GALNT18: variants seen among roughly 807,000 people sequenced by gnomAD.
GALNT18 encodes the protein GalNAc-transferase 18.
In GALNT18, 44 loss-of-function variants were observed where a neutral mutation model predicts 69.5. The ratio of observed to expected loss-of-function variants is 0.63; its 90% CI spans 0.50 to 0.81. The LOEUF is 0.81. Ranked by LOEUF, GALNT18 falls within the 40% of genes least tolerant of loss-of-function variation. The pLI, the probability that GALNT18 is intolerant of heterozygous loss-of-function variation, is 0.00. For missense variants in GALNT18, 715 were observed against 810.0 expected, an observed-to-expected ratio of 0.88 and a Z score of 1.42; for synonymous variants, 364 against 318.2, an observed-to-expected ratio of 1.14 and a Z score of -1.53.
intron 3 of GALNT18, among the ~76,000 whole-genome samples, chr11:11,416,812 G>A (rs1192276275): frequency 6.6e-6 from 1 of 152,178 alleles, no homozygotes; most frequent in Non-Finnish European, 1.5e-5. Context: ...GGAAGCTAGG[G>A]CAGCGTGGCG....
At chr11:11,457,973 G>T (rs1019124630) in intron 1 of GALNT18, among the ~76,000 whole-genome samples, 6 of 152,224 alleles carry the variant, frequency 3.9e-5, no homozygotes, top group Admixed American at 1.3e-4. Flanking sequence ...ACTAGGTCAG[G>T]CAGGTTGGGG....
chr11:11,589,795 A>G (rs911463351), intron 1 of GALNT18, among the ~76,000 whole-genome samples: 1 of 151,758 alleles, frequency 6.6e-6, no homozygotes, highest in Non-Finnish European at 1.5e-5. Context: ...CCAACAACCT[A>G]CTCTCAAATT....
In GALNT18 at chr11:11,448,834, G is replaced by A; in HGVS notation, c.338C>T (p.Ala113Val). 1 of 1,612,740 alleles carries A rather than the reference G, an allele frequency of 6.2e-7. No homozygotes were observed. The change falls in exon 2 of 11, where the codon GCC (alanine) becomes GTC (valine). Residue 113 changes from alanine (A) to valine (V), a missense_variant. By Grantham distance (64) the Ala-to-Val change is moderately conservative. Coordinates refer to ENST00000227756, the MANE Select transcript of GALNT18 (RefSeq NM_198516.3). The part of the protein sequence containing the change: ...QELSPEGRRV[A>V]LKQFQYYGYN... ...GCCGTAGTACTGGAATTGCTTCAGG[G>A]CCACGCGCCGGCCTTCGGGGCTGAG...
chr11:11,424,496 A>G (rs1855082085), intron 3 of GALNT18, among the ~76,000 whole-genome samples: 1 of 152,070 alleles, frequency 6.6e-6, no homozygotes, highest in African/African-American at 2.4e-5. Flanking sequence ...GACCACATCT[A>G]CCTCCCTGGG....
chr11:11,449,445 C>T (rs1855742000), intron 1 of GALNT18, among the ~76,000 whole-genome samples: 1 of 152,240 alleles, frequency 6.6e-6, no homozygotes, highest in South Asian at 2.1e-4. Context: ...CCTGGTGCAC[C>T]ATGTGACATT....
intron 8 of GALNT18, among the ~76,000 whole-genome samples, chr11:11,331,358 C>T (rs1850014098): frequency 6.6e-6 from 1 of 152,060 alleles, no homozygotes; most frequent in Admixed American, 6.5e-5. Context: ...CTAACAGAGA[C>T]CCTGGGGGTA....
intron 1 of GALNT18, among the ~76,000 whole-genome samples, chr11:11,504,587 T>C (rs144683664): frequency 2.1e-4 from 32 of 152,152 alleles, no homozygotes; most frequent in African/African-American, 7.5e-4. Flanking sequence ...CAAAACCCCA[T>C]TTCTATAAAA....
intron 1 of GALNT18, among the ~76,000 whole-genome samples, chr11:11,545,857 AG>A (rs1033191758): frequency 2.0e-5 from 3 of 152,150 alleles, no homozygotes; most frequent in East Asian, 1.9e-4. Flanking sequence ...CCTGGATCCC[AG>A]GGGGGATGTG....
At chr11:11,283,078 T>TG (rs1205448978) in intron 10 of GALNT18, among the ~76,000 whole-genome samples, 1 of 151,860 alleles carries the variant, frequency 6.6e-6, no homozygotes. Context: ...GCCCTGAGCT[T>TG]GGGGTTAGTG....
chr11:11,478,316 G>C (rs1001619699), intron 1 of GALNT18, among the ~76,000 whole-genome samples: 1 of 152,206 alleles, frequency 6.6e-6, no homozygotes, highest in Non-Finnish European at 1.5e-5. Flanking sequence ...GTAGAATAAA[G>C]ACATTTTCAG....
At position 11,461,989 on chromosome 11, in the gene GALNT18, G is replaced by C. The variant is rs890600098; in HGVS notation, c.236-13053C>G. Among the ~76,000 whole-genome samples the C allele has an allele frequency of 3.3e-5, 5 of 152,234 alleles. No homozygotes were observed. Among genetic ancestry groups the C allele is most frequent in the African/African-American group, 1.2e-4 (5 of 41,472 alleles). The stretch of plus-strand genomic sequence containing the variant: ...CTCCCAGGAAGCCTGCCTGTTTCCA[G>C]TTTCTTTCTTCTGGTCTTAAAGGGA... On this transcript the variant is annotated intron_variant, in intron 1 of 10. Transcript: ENST00000227756. This position sits in a 1 kb window ranked among gnomAD's most constrained non-coding sequence, Gnocchi z 4.1.
In GALNT18 at chr11:11,358,173, TTC is replaced by T. The variant is rs1850569848; in HGVS notation, c.1092+14340_1092+14341del. On this transcript the variant is annotated intron_variant, in intron 6 of 10. Transcript: ENST00000227756. ...TCCCATTGTCTTACCTCAAAGTTTTTTCTTTCTTTTTACCTTAGTTTTATAGT... is the reference window on the plus strand; with the variant it reads ...TCCCATTGTCTTACCTCAAAGTTTTTTTTCTTTTTACCTTAGTTTTATAGT... 1.4e-5 allele frequency among the ~76,000 whole-genome samples: 2 copies of T among 141,788 alleles called. 1 individual carries two copies. Among genetic ancestry groups the T allele is most frequent in the Non-Finnish European group, 3.2e-5 (2 of 63,178 alleles). The allele number at this position is 141,788 out of a possible 152,430, so 93.0% of individuals were successfully genotyped here. A position where few individuals can be genotyped will look rare whatever the true frequency, so the allele number is the denominator to read the frequency against.
At chr11:11,580,754 C>T (rs573319070) in intron 1 of GALNT18, among the ~76,000 whole-genome samples, 3 of 152,224 alleles carry the variant, frequency 2.0e-5, no homozygotes, top group East Asian at 1.9e-4. Flanking sequence ...GGGCTGCCTC[C>T]ATCCCTAACT....
chr11:11,613,705 A>G lies in GALNT18; in HGVS notation c.235+7654T>C, dbSNP rs1859971199. On this transcript the variant is annotated intron_variant, in intron 1 of 10. Transcript: ENST00000227756. The surrounding 1 kb of genome is among the most constrained non-coding windows in gnomAD (Gnocchi z 4.2). ...AAATGACCACATCCCTGCCAAATCC[A>G]AGGCAGAAGCTCCACCCTTCAAGAG... Among the ~76,000 whole-genome samples, 1 of 152,224 alleles carries G rather than the reference A, an allele frequency of 6.6e-6. No homozygotes were observed. Among genetic ancestry groups the G allele is most frequent in the African/African-American group, 2.4e-5 (1 of 41,460 alleles).
At chr11:11,466,293 A>C (rs1299507016) in intron 1 of GALNT18, among the ~76,000 whole-genome samples, 1 of 152,236 alleles carries the variant, frequency 6.6e-6, no homozygotes, top group East Asian at 1.9e-4. Flanking sequence ...CCTTTACGTG[A>C]ATATTGAAAT....
rs1019616847 is a variant in GALNT18, at chr11:11,454,199, G to A, written c.236-5263C>T. Among the ~76,000 whole-genome samples, 9 of 152,204 alleles carry A rather than the reference G, an allele frequency of 5.9e-5. No individual in the cohort carries two copies. The highest frequency in any genetic ancestry group is 2.2e-4 in the African/African-American group (9 of 41,454). ...CACAAAGCCAGTGAAGGCATGGCCG[G>A]GGCAAATTCCAGCTGTGTGCAGTTA... On this transcript the variant is annotated intron_variant, in intron 1 of 10. Coordinates refer to ENST00000227756, the MANE Select transcript of GALNT18 (RefSeq NM_198516.3). The surrounding 1 kb of genome is among the most constrained non-coding windows in gnomAD (Gnocchi z 4.2).
chr11:11,419,596 CAA>C (rs58012512), intron 3 of GALNT18, among the ~76,000 whole-genome samples: 4,539 of 25,894 alleles, frequency 0.18, 172 homozygotes, highest in East Asian at 0.42. Context: ...GATCCTGTCT[CAA>C]AAAAAAAAAA....
intron 1 of GALNT18, among the ~76,000 whole-genome samples, chr11:11,516,246 A>G (rs1284278840): frequency 6.6e-6 from 1 of 152,208 alleles, no homozygotes; most frequent in African/African-American, 2.4e-5. Context: ...ACACCCTGAA[A>G]ATCAAAGGAA....
chr11:11,580,586 C>T (rs1001279973), intron 1 of GALNT18, among the ~76,000 whole-genome samples: 1 of 152,266 alleles, frequency 6.6e-6, no homozygotes, highest in Non-Finnish European at 1.5e-5. Context: ...CACAGAAATA[C>T]TATTCAAAAT....
Sources: allele counts gnomAD v4.1 joint callset (sites outside exome capture counted in the v4.1 genomes callset), GRCh38; gene constraint gnomAD v4.1.1; non-coding constraint Gnocchi (gnomAD v3.1); transcripts MANE v1.5; gene names NCBI Gene and HGNC (gene_info 2026-07-23, HGNC 2026-07-21).